MYO16: variants seen among roughly 807,000 people sequenced by gnomAD.
The protein encoded by MYO16 is myosin XVI.
In MYO16, 94 loss-of-function variants were observed where a neutral mutation model predicts 205.3. The ratio of observed to expected loss-of-function variants is 0.46; its 90% CI spans 0.39 to 0.54. MYO16 has a LOEUF of 0.54. Among genes scored for constraint, MYO16 ranks in the 20% least tolerant of loss-of-function variants. The probability of loss-of-function intolerance (pLI) is 0.00; values close to 1 mark genes in which losing one functional copy is unlikely to be tolerated. For synonymous variants in MYO16, 988 were observed against 954.0 expected (o/e 1.04, Z -0.66); for missense variants, 2,315 against 2,387.5 (o/e 0.97, Z 0.63).
chr13:109,108,825 A>G (rs955263827), intron 28 of MYO16, among the ~76,000 whole-genome samples: 2 of 152,108 alleles, frequency 1.3e-5, no homozygotes, highest in African/African-American at 4.8e-5. Context: ...AGGCAGGACC[A>G]AGGGGCCCAG....
At chr13:108,886,612 G>A (rs1879904546) in intron 13 of MYO16, 9 of 409,178 alleles carry the variant, frequency 2.2e-5, no homozygotes, top group South Asian at 1.4e-4. Context: ...CTTCCAGTGC[G>A]CATGCTGAGG....
At chr13:108,556,306 C>T in the MYO16 span, among the ~76,000 whole-genome samples, 4 of 151,270 alleles carry the variant, frequency 2.6e-5, no homozygotes, top group Non-Finnish European at 4.4e-5. Flanking sequence ...AACACTTTGT[C>T]ACTCTTTGGC....
chr13:108,656,893 A>C (rs1330491618), intron 1 of MYO16, among the ~76,000 whole-genome samples: 1 of 152,220 alleles, frequency 6.6e-6, no homozygotes, highest in Non-Finnish European at 1.5e-5. Context: ...GCAATCAGTG[A>C]AAACAGGTAC....
intron 16 of MYO16, among the ~76,000 whole-genome samples, chr13:108,917,111 GCA>G (rs150975700): frequency 6.6e-6 from 1 of 151,902 alleles, no homozygotes; most frequent in African/African-American, 2.4e-5. Context: ...ATGCACGCAC[GCA>G]CACACACACA....
intron 4 of MYO16, chr13:108,779,657 G>T (rs993027828): frequency 6.6e-6 from 1 of 152,190 alleles, no homozygotes; most frequent in African/African-American, 2.4e-5. Context: ...CCATTTGCTA[G>T]GATACAAGAG....
intron 23 of MYO16, among the ~76,000 whole-genome samples, chr13:109,042,979 A>T (rs1266227623): frequency 2.6e-5 from 4 of 152,156 alleles, no homozygotes; most frequent in Admixed American, 2.6e-4. Context: ...AAGTCTCCAA[A>T]TGGGAGTTTT....
intron 4 of MYO16, among the ~76,000 whole-genome samples, chr13:108,737,641 T>C (rs1339933625): frequency 3.3e-5 from 5 of 152,246 alleles, no homozygotes; most frequent in Non-Finnish European, 4.4e-5. Flanking sequence ...CAGGATGATG[T>C]TGGCCTCATA....
At chr13:108,964,723 C>G (rs753450854) in intron 19 of MYO16, 38 bp from the exon 20 acceptor site, 2 of 1,604,030 alleles carry the variant, frequency 1.2e-6, no homozygotes, top group Non-Finnish European at 1.7e-6. Flanking sequence ...ATGAGGGAAC[C>G]CTTGTGCTCA....
intron 4 of MYO16, among the ~76,000 whole-genome samples, chr13:108,759,299 C>T (rs892823915): frequency 3.2e-4 from 49 of 152,224 alleles, no homozygotes; most frequent in Admixed American, 5.9e-4. Flanking sequence ...TATGTAGATA[C>T]GAGAGGAATT....
chr13:108,646,191 C>CA (rs1880748310), intron 1 of MYO16, among the ~76,000 whole-genome samples: 1 of 152,116 alleles, frequency 6.6e-6, no homozygotes, highest in South Asian at 2.1e-4. Context: ...GTTTGATTTT[C>CA]TTTTTTTCCC....
At position 109,193,789 on chromosome 13, in the gene MYO16, T is replaced by C. The variant is rs78265778; in HGVS notation, c.5416-12820T>C. ...CCTTTCCTAGTTATTCACGACTCTA[T>C]TGTTACTCCAAAGCCAACTGTCAAA... On this transcript the variant is annotated intron_variant, in intron 34 of 34. Transcript: ENST00000457511. Among the ~76,000 whole-genome samples the C allele has an allele frequency of 8.4e-3, 1,283 of 152,282 alleles. 10 individuals carry two copies. Among genetic ancestry groups the C allele is most frequent in the Middle Eastern group, 0.031 (9 of 294 alleles).
At chr13:108,994,624 G>A (rs1884945178) in intron 21 of MYO16, among the ~76,000 whole-genome samples, 1 of 152,094 alleles carries the variant, frequency 6.6e-6, no homozygotes, top group Non-Finnish European at 1.5e-5. Flanking sequence ...GCTGTATTCA[G>A]AATCAAACCT....
At chr13:108,851,596 C>T (rs1877868857) in intron 10 of MYO16, among the ~76,000 whole-genome samples, 1 of 152,166 alleles carries the variant, frequency 6.6e-6, no homozygotes, top group Non-Finnish European at 1.5e-5. Context: ...AACCTTCAAT[C>T]TTGTCTAAAT....
chr13:108,878,430 C>T (rs1169095582), intron 12 of MYO16, among the ~76,000 whole-genome samples: 1 of 152,132 alleles, frequency 6.6e-6, no homozygotes, highest in Non-Finnish European at 1.5e-5. Context: ...GGAAGATCAT[C>T]TTCCCACTCT....
At chr13:108,729,989 T>C (rs1884469769) in intron 4 of MYO16, among the ~76,000 whole-genome samples, 1 of 152,112 alleles carries the variant, frequency 6.6e-6, no homozygotes, top group Non-Finnish European at 1.5e-5. Context: ...TCAAGCAAAA[T>C]AGCTCATAAA....
intron 17 of MYO16, among the ~76,000 whole-genome samples, chr13:108,958,038 A>G (rs1883443306): frequency 1.3e-5 from 2 of 151,854 alleles, no homozygotes; most frequent in Non-Finnish European, 2.9e-5. Flanking sequence ...AAAACAGAGC[A>G]GTCAGCAGAG....
intron 27 of MYO16, among the ~76,000 whole-genome samples, chr13:109,066,267 A>G (rs897509028): frequency 1.3e-5 from 2 of 152,228 alleles, no homozygotes; most frequent in African/African-American, 2.4e-5. Context: ...GGAGATGCCA[A>G]CTACTGTCAA....
chr13:108,703,742 C>A (rs9514882), intron 2 of MYO16, among the ~76,000 whole-genome samples: 117,344 of 152,084 alleles, frequency 0.77, 45,453 homozygotes, highest in East Asian at 0.98. Flanking sequence ...AAAATACTTA[C>A]TAGATGGAAT....
intron 6 of MYO16, among the ~76,000 whole-genome samples, chr13:108,797,560 G>A (rs2138957720): frequency 6.6e-6 from 1 of 152,334 alleles, no homozygotes; most frequent in East Asian, 1.9e-4. Flanking sequence ...ATACTGCTGA[G>A]TGGTCAGTTA....
Sources: gnomAD v4.1 joint callset for allele counts (sites outside exome capture counted in the v4.1 genomes callset) on GRCh38, gnomAD v4.1.1 for gene constraint, MANE v1.5 for transcripts, NCBI Gene and HGNC (gene_info 2026-07-23, HGNC 2026-07-21) for gene names.